Variants in EXOC4 observed in about 807,000 individuals in gnomAD.
The protein encoded by EXOC4 is exocyst complex component 4, also known as SEC8-like 1.
A neutral mutation model predicts 107.2 loss-of-function variants in EXOC4; 71 were observed. The observed-to-expected ratio is 0.66, with a 90% CI of 0.55 to 0.81. The LOEUF is 0.81. Among genes scored for constraint, EXOC4 ranks in the 30% least tolerant of loss-of-function variants. The pLI is 0.00. For synonymous variants in EXOC4, 456 were observed against 441.2 expected, an observed-to-expected ratio of 1.03 and a Z score of -0.42; for missense variants, 1,108 against 1,189.6, an observed-to-expected ratio of 0.93 and a Z score of 1.01.
At position 133,967,091 on chromosome 7, in the gene EXOC4, G is replaced by A. The variant is rs539096285; in HGVS notation, c.2206+29022G>A. On this transcript the variant is annotated intron_variant, in intron 14 of 17. Coordinates refer to ENST00000253861, the MANE Select transcript of EXOC4 (RefSeq NM_021807.4). ...GTCCAGGAATTTATTCATTTCTTCT[G>A]GATTTTCTAGTTTATTCACATAGAG... 4.6e-5 allele frequency among the ~76,000 whole-genome samples: 7 copies of A among 152,112 alleles called. No homozygotes were observed. The East Asian group carries it at 1.4e-3, about 29-fold the overall frequency.
intron 10 of EXOC4, among the ~76,000 whole-genome samples, chr7:133,697,124 GT>G (rs1026032506): frequency 6.6e-6 from 1 of 152,106 alleles, no homozygotes; most frequent in Non-Finnish European, 1.5e-5. Flanking sequence ...GTGTTTGTTT[GT>G]TTGTTTGTTT....
intron 17 of EXOC4, among the ~76,000 whole-genome samples, chr7:134,009,576 C>T (rs970199880): frequency 1.3e-5 from 2 of 152,004 alleles, no homozygotes; most frequent in African/African-American, 4.8e-5. Context: ...TGATGGAAAG[C>T]CTTCCTTGCT....
intron 10 of EXOC4, among the ~76,000 whole-genome samples, chr7:133,654,231 A>C (rs1225756099): frequency 6.6e-6 from 1 of 152,152 alleles, no homozygotes; most frequent in Non-Finnish European, 1.5e-5. Context: ...GTATTCCGAG[A>C]ACTGTGAGTG....
At chr7:133,253,298 C>A (rs1398442289) in intron 1 of EXOC4, 111 bp downstream of exon 1, 2 of 1,439,032 alleles carry the variant, frequency 1.4e-6, no homozygotes, top group East Asian at 2.5e-5. Flanking sequence ...TTCCTCCTTG[C>A]CTCCCGCAGC....
At chr7:133,862,915 A>T (rs1798564895) in intron 11 of EXOC4, among the ~76,000 whole-genome samples, 1 of 152,224 alleles carries the variant, frequency 6.6e-6, no homozygotes, top group Non-Finnish European at 1.5e-5. Flanking sequence ...AAGTATAGTT[A>T]TCAGTGTGAG....
chr7:133,510,477 A>G (rs1186257310), intron 9 of EXOC4, among the ~76,000 whole-genome samples: 2 of 152,144 alleles, frequency 1.3e-5, no homozygotes, highest in East Asian at 1.9e-4. Context: ...GCTCTGCTCA[A>G]TAGGCTGGTG....
intron 11 of EXOC4, among the ~76,000 whole-genome samples, chr7:133,818,185 G>T (rs1797421515): frequency 6.6e-6 from 1 of 152,124 alleles, no homozygotes; most frequent in Non-Finnish European, 1.5e-5. Context: ...TGACTTGGAG[G>T]TATATATAAA....
At chr7:133,279,229 T>G (rs1362321592) in intron 2 of EXOC4, among the ~76,000 whole-genome samples, 1 of 152,220 alleles carries the variant, frequency 6.6e-6, no homozygotes, top group Non-Finnish European at 1.5e-5. Context: ...TTGTTGGGCA[T>G]TTGGGTTGGT....
chr7:133,747,620 T>G (rs1339816086), intron 10 of EXOC4, among the ~76,000 whole-genome samples: 1 of 152,176 alleles, frequency 6.6e-6, no homozygotes, highest in Non-Finnish European at 1.5e-5. Flanking sequence ...TTGAAATGCG[T>G]GTACATTGAA....
At chr7:134,033,740 C>T (rs1254918006) in intron 17 of EXOC4, among the ~76,000 whole-genome samples, 1 of 152,110 alleles carries the variant, frequency 6.6e-6, no homozygotes. Context: ...AAAACACAGC[C>T]TCATGAATTT....
At chr7:133,900,547 G>A (rs933747008) in intron 12 of EXOC4, among the ~76,000 whole-genome samples, 2 of 152,216 alleles carry the variant, frequency 1.3e-5, no homozygotes, top group Non-Finnish European at 2.9e-5. Flanking sequence ...GCCACTGAGT[G>A]GGTGTTAAGC....
At chr7:133,562,835 T>G (rs533156511) in intron 9 of EXOC4, among the ~76,000 whole-genome samples, 3 of 152,316 alleles carry the variant, frequency 2.0e-5, no homozygotes, top group Non-Finnish European at 2.9e-5. Context: ...ATAAGAGCTT[T>G]TAATTTTTAG....
intron 10 of EXOC4, among the ~76,000 whole-genome samples, chr7:133,767,230 C>A (rs1796157452): frequency 6.6e-6 from 1 of 151,918 alleles, no homozygotes; most frequent in African/African-American, 2.4e-5. Flanking sequence ...TTTTCTATCA[C>A]AAGAGCTGGA....
intron 10 of EXOC4, among the ~76,000 whole-genome samples, chr7:133,688,340 A>G (rs1230494195): frequency 2.6e-5 from 4 of 152,218 alleles, no homozygotes; most frequent in Non-Finnish European, 4.4e-5. Flanking sequence ...ATTAAACAGA[A>G]TGAAAATCTA....
At chr7:133,738,536 A>G (rs1189486031) in intron 10 of EXOC4, among the ~76,000 whole-genome samples, 1 of 152,170 alleles carries the variant, frequency 6.6e-6, no homozygotes, top group African/African-American at 2.4e-5. Flanking sequence ...TCTACGAGAC[A>G]TTCTTTGTGA....
chr7:133,356,569 C>T lies in EXOC4; in HGVS notation c.1003C>T (p.Pro335Ser), dbSNP rs766848115. 3 of 1,613,884 alleles carry T rather than the reference C, an allele frequency of 1.9e-6. No individual in the cohort carries two copies. The highest frequency in any genetic ancestry group is 8.5e-7 in the Non-Finnish European group (1 of 1,179,872). The change falls in exon 6 of 18, where the codon CCA becomes TCA. Residue 335 changes from proline (P) to serine (S), a missense_variant. Physicochemically the swap from Pro to Ser is moderately conservative, Grantham distance 74. Coordinates refer to ENST00000253861, the MANE Select transcript of EXOC4 (RefSeq NM_021807.4). Reference protein sequence around the residue: ...RGENVTVENQPRLLLELLELL... With the variant: ...RGENVTVENQSRLLLELLELL... Reference sequence around the variant, plus strand: ...GGAGAACGTTACTGTGGAGAACCAACCAAGGTAGGTGGGAGTGTATTTTGT... The same window carrying T: ...GGAGAACGTTACTGTGGAGAACCAATCAAGGTAGGTGGGAGTGTATTTTGT...
intron 17 of EXOC4, among the ~76,000 whole-genome samples, chr7:134,043,032 C>T (rs959900761): frequency 6.6e-6 from 1 of 152,186 alleles, no homozygotes; most frequent in Non-Finnish European, 1.5e-5. Context: ...CAGATTAAGA[C>T]TCCGTCTCAA....
At chr7:133,606,672 A>G (rs6971187) in intron 9 of EXOC4, among the ~76,000 whole-genome samples, 3,543 of 151,608 alleles carry the variant, frequency 0.023, 137 homozygotes, top group African/African-American at 0.081. Context: ...GCACCATCAC[A>G]CCTGGCTAAT....
At chr7:134,077,547 ATCTTTATTGAGTGCGC>A in the EXOC4 span, among the ~76,000 whole-genome samples, 1 of 152,240 alleles carries the variant, frequency 6.6e-6, no homozygotes, top group African/African-American at 2.4e-5. Flanking sequence ...AAACAGGAGA[ATCTTTATTGAGTGCGC>A]TCAGGCCCAG....
Sources: allele counts gnomAD v4.1 joint callset (sites outside exome capture counted in the v4.1 genomes callset), GRCh38; gene constraint gnomAD v4.1.1; transcripts MANE v1.5; gene names NCBI Gene and HGNC (gene_info 2026-07-23, HGNC 2026-07-21).